DENND5A: variants seen among roughly 807,000 people sequenced by gnomAD.
DENND5A encodes the protein DENN domain containing 5A.
In DENND5A, 64 loss-of-function variants were observed where a neutral mutation model predicts 140.3. That is an observed-to-expected ratio of 0.46 (90% CI 0.37 to 0.56). DENND5A has a LOEUF of 0.56. DENND5A is among the 20% of genes least tolerant of loss of function. The probability of loss-of-function intolerance (pLI) is 0.00; values close to 1 mark genes in which losing one functional copy is unlikely to be tolerated. For missense variants in DENND5A, 1,292 were observed against 1,593.8 expected (o/e 0.81, Z 3.22); for synonymous variants, 605 against 607.7 (o/e 1.00, Z 0.07).
chr11:9,210,901 T>C (rs1165736836), intron 1 of DENND5A, among the ~76,000 whole-genome samples: 1 of 152,070 alleles, frequency 6.6e-6, no homozygotes. Flanking sequence ...TGGGAAAAAA[T>C]TGATTTTATC....
At chr11:9,179,687 C>T (rs914003957) in intron 6 of DENND5A, among the ~76,000 whole-genome samples, 36 of 152,130 alleles carry the variant, frequency 2.4e-4, no homozygotes, top group African/African-American at 7.7e-4. Flanking sequence ...TCAGTAGAGA[C>T]GGGGTGTCTC....
At chr11:9,213,770 G>A (rs1432583312) in intron 1 of DENND5A, among the ~76,000 whole-genome samples, 2 of 147,988 alleles carry the variant, frequency 1.4e-5, no homozygotes, top group Admixed American at 1.4e-4. Flanking sequence ...TTGCACCACT[G>A]CACTCCAGCC....
chr11:9,220,489 G>A (rs888876841), intron 1 of DENND5A, among the ~76,000 whole-genome samples: 1 of 152,094 alleles, frequency 6.6e-6, no homozygotes, highest in Non-Finnish European at 1.5e-5. Flanking sequence ...GGAAGTTGCA[G>A]TGAGCCAAGA....
At chr11:9,156,581 C>A (rs933435578) in intron 12 of DENND5A, among the ~76,000 whole-genome samples, 1 of 150,788 alleles carries the variant, frequency 6.6e-6, no homozygotes, top group Non-Finnish European at 1.5e-5. Flanking sequence ...GAGCCAAGAT[C>A]GCGCCATTGC....
At chr11:9,161,905 T>A (rs539084355) in intron 11 of DENND5A, among the ~76,000 whole-genome samples, 2 of 151,416 alleles carry the variant, frequency 1.3e-5, no homozygotes. Flanking sequence ...CCAAAATCTA[T>A]ACGTAATATA....
chr11:9,226,657 T>C (rs909184628), intron 1 of DENND5A, among the ~76,000 whole-genome samples: 4 of 152,148 alleles, frequency 2.6e-5, no homozygotes, highest in African/African-American at 7.2e-5. Flanking sequence ...AGATGCTAAT[T>C]ATAACAGAGC....
rs771007042 is a variant in DENND5A, at chr11:9,193,644, T to C, written c.987A>G (p.Thr329=). Residue 329 remains threonine (T), a synonymous_variant, in exon 5 of 23, where the codon ACA becomes ACG. Transcript: ENST00000328194. ...QRLMTVAETI[T]ALMFPFQWQH... ...GCCACTGGAAAGGAAACATGAGAGC[T>C]GTAATCGTCTCCGCCACAGTCATCA... is the stretch of plus-strand genomic sequence containing the variant. 1.2e-6 allele frequency: 2 copies of C among 1,613,862 alleles called. No individual in the cohort carries two copies. Among genetic ancestry groups the C allele is most frequent in the South Asian group, 2.2e-5 (2 of 91,016 alleles).
intron 1 of DENND5A, among the ~76,000 whole-genome samples, chr11:9,260,819 C>T (rs1401533237): frequency 1.3e-5 from 2 of 152,072 alleles, no homozygotes; most frequent in African/African-American, 4.8e-5. Context: ...AAGCTCTATG[C>T]TTATTTGGGT....
At chr11:9,208,038 A>G (rs1849750811) in intron 1 of DENND5A, among the ~76,000 whole-genome samples, 1 of 152,228 alleles carries the variant, frequency 6.6e-6, no homozygotes, top group African/African-American at 2.4e-5. Context: ...GGGACAAATT[A>G]AATGCATATA....
chr11:9,210,342 T>A (rs1402350540), intron 1 of DENND5A, among the ~76,000 whole-genome samples: 2 of 152,202 alleles, frequency 1.3e-5, no homozygotes, highest in African/African-American at 4.8e-5. Context: ...CAGATCCAGA[T>A]ATAAGATCTA....
chr11:9,209,635 C>T (rs1330172753), intron 1 of DENND5A, among the ~76,000 whole-genome samples: 3 of 152,096 alleles, frequency 2.0e-5, no homozygotes, highest in African/African-American at 4.8e-5. Flanking sequence ...AGTATTTTCT[C>T]CATAAGGGGA....
intron 15 of DENND5A, among the ~76,000 whole-genome samples, chr11:9,148,817 T>C (rs1847515635): frequency 6.6e-6 from 1 of 152,152 alleles, no homozygotes; most frequent in Admixed American, 6.5e-5. Flanking sequence ...TTAAAAGACA[T>C]GTCAGGGCTA....
At chr11:9,211,506 G>A (rs943933691) in intron 1 of DENND5A, among the ~76,000 whole-genome samples, 1 of 152,112 alleles carries the variant, frequency 6.6e-6, no homozygotes, top group African/African-American at 2.4e-5. Context: ...GAACTGCTCA[G>A]CATATAAAGA....
intron 5 of DENND5A, among the ~76,000 whole-genome samples, chr11:9,185,168 G>A (rs1243967678): frequency 3.3e-5 from 5 of 152,138 alleles, no homozygotes; most frequent in Admixed American, 2.0e-4. Context: ...TCCAGCCTGG[G>A]CGACAGTGTG....
chr11:9,247,063 A>C, intron 1 of DENND5A, among the ~76,000 whole-genome samples: 1 of 152,028 alleles, frequency 6.6e-6, no homozygotes, highest in East Asian at 1.9e-4. Flanking sequence ...CCCCGTCTCT[A>C]CTAAAAAATA....
chr11:9,156,909 A>C (rs1463173601), intron 12 of DENND5A, among the ~76,000 whole-genome samples: 1 of 148,052 alleles, frequency 6.8e-6, no homozygotes, highest in Non-Finnish European at 1.5e-5. Context: ...GGAAGGAAGG[A>C]AGATATTCTT....
At chr11:9,160,954 T>A (rs1847962920) in intron 11 of DENND5A, 89 bp from the exon 12 acceptor site, 1 of 1,304,122 alleles carries the variant, frequency 7.7e-7, no homozygotes, top group Non-Finnish European at 1.1e-6. Flanking sequence ...GCACAGTACA[T>A]CTGTTGGGCT....
chr11:9,247,907 A>C (rs1851547661), intron 1 of DENND5A, among the ~76,000 whole-genome samples: 1 of 152,148 alleles, frequency 6.6e-6, no homozygotes, highest in South Asian at 2.1e-4. Context: ...TTTTGGGGTA[A>C]AATACTTTTA....
At chr11:9,213,149 G>A (rs1444496872) in intron 1 of DENND5A, among the ~76,000 whole-genome samples, 1 of 151,910 alleles carries the variant, frequency 6.6e-6, no homozygotes, top group Non-Finnish European at 1.5e-5. Context: ...GATTACAGGT[G>A]CCTGCCACCA....
Sources: allele counts gnomAD v4.1 joint callset (sites outside exome capture counted in the v4.1 genomes callset), GRCh38; gene constraint gnomAD v4.1.1; transcripts MANE v1.5; gene names NCBI Gene and HGNC (gene_info 2026-07-23, HGNC 2026-07-21).